The following MYH9 variants were observed in gnomAD, a reference collection of about 807,000 sequenced individuals.
The protein encoded by MYH9 is myosin heavy chain 9.
Under a neutral mutation model 241.9 loss-of-function variants are expected in MYH9, and 29 were observed. The observed-to-expected ratio is 0.12, with a 90% confidence interval of 0.09 to 0.16. The LOEUF (loss-of-function observed/expected upper bound fraction) is 0.16, where lower values mean the gene tolerates loss of function less well. Ranked by LOEUF, MYH9 falls within the 10% of genes least tolerant of loss-of-function variation. MYH9 has a pLI of 1.00. For missense variants in MYH9, 1,803 were observed against 2,595.5 expected (o/e 0.69, Z 6.63); for synonymous variants, 1,047 against 1,062.6 (o/e 0.99, Z 0.29).
chr22:36,292,856 C>G (rs1257145372), intron 30 of MYH9, among the ~76,000 whole-genome samples: 1 of 152,210 alleles, frequency 6.6e-6, no homozygotes, highest in African/African-American at 2.4e-5. Context: ...GCAACCAGTA[C>G]AGAAAAATGC....
chr22:36,282,786 C>CT lies in MYH9; in HGVS notation c.5766-2dup. The CT allele has an allele frequency of 6.2e-7, 1 of 1,608,498 alleles. No individual in the cohort carries two copies. Among genetic ancestry groups the CT allele is most frequent in the South Asian group, 1.1e-5 (1 of 90,988 alleles). ...CACGACAAACGGCAGGTCCCCGCGCCTGGGGGCAGAGGTAGAAGCAGAGGG... is the reference window on the plus strand; with the variant it reads ...CACGACAAACGGCAGGTCCCCGCGCCTTGGGGGCAGAGGTAGAAGCAGAGGG... On this transcript the variant is annotated splice_acceptor_variant, in intron 40 of 40. Transcript: ENST00000216181. LOFTEE classifies it high-confidence loss of function.
intron 14 of MYH9, among the ~76,000 whole-genome samples, chr22:36,310,263 C>T (rs2017040172): frequency 9.7e-6 from 1 of 103,074 alleles, no homozygotes. Flanking sequence ...GAACAAGACT[C>T]CGTCTCAAAA....
intron 24 of MYH9, 58 bp downstream of exon 24, chr22:36,298,861 A>ACCGCCAGCCCTTGC (rs1324473683): frequency 6.2e-7 from 1 of 1,606,352 alleles, no homozygotes; most frequent in Non-Finnish European, 8.5e-7. Context: ...CCGGCCCCTG[A>ACCGCCAGCCCTTGC]CCGCCAGCCC....
intron 3 of MYH9, among the ~76,000 whole-genome samples, chr22:36,337,507 A>C (rs1423930312): frequency 6.6e-6 from 1 of 152,258 alleles, no homozygotes; most frequent in Non-Finnish European, 1.5e-5. Context: ...AGATAAAGGC[A>C]GATGGAGGTC....
At chr22:36,378,092 T>G (rs2018199288) in intron 1 of MYH9, among the ~76,000 whole-genome samples, 1 of 144,834 alleles carries the variant, frequency 6.9e-6, no homozygotes, top group African/African-American at 2.6e-5. Flanking sequence ...CTGGGCAACA[T>G]GGCAAAACCC....
Position 36,295,931 on chromosome 22 carries a change from G to A in MYH9, c.3273-214C>T, listed in dbSNP as rs192845977. ...AAGCAGAAAACCTCATAGAGGAATC[G>A]TTTCAATTTCCAAAGTAAGATTCAC... On this transcript the variant is annotated intron_variant, in intron 25 of 40. Coordinates refer to ENST00000216181, the MANE Select transcript of MYH9 (RefSeq NM_002473.6). This position sits in a 1 kb window ranked among gnomAD's most constrained non-coding sequence, Gnocchi z 4.1. 2.6e-5 allele frequency among the ~76,000 whole-genome samples: 4 copies of A among 152,256 alleles called. No homozygotes were observed. Among genetic ancestry groups the A allele is most frequent in the East Asian group, 1.9e-4 (1 of 5,188 alleles).
rs538568211 is a variant in MYH9 at position 36,295,431 on chromosome 22, C to T, written c.3485+74G>A. The T allele has an allele frequency of 2.9e-5, 36 of 1,227,316 alleles. No homozygotes were observed. In the South Asian group the frequency reaches 3.2e-4, roughly 11 times the overall value. 76.0% of individuals were successfully genotyped at this position (1,227,316 alleles called of 1,614,324 possible). A position where few individuals can be genotyped will look rare whatever the true frequency, so the allele number is the denominator to read the frequency against. On this transcript the variant is annotated intron_variant, in intron 26 of 40. Coordinates refer to ENST00000216181, the MANE Select transcript of MYH9 (RefSeq NM_002473.6). This position sits in a 1 kb window ranked among gnomAD's most constrained non-coding sequence, Gnocchi z 4.1. ...GTGTGTGTGTGTGTGTGCAGAGGCC[C>T]GGGGTCCATGTCTCCAAGCCAAGGC...
Position 36,322,326 on chromosome 22 carries a change from G to A in MYH9, c.705+103C>T, listed in dbSNP as rs1029757928. 8.7e-5 allele frequency: 110 copies of A among 1,268,656 alleles called. No individual in the cohort carries two copies. The South Asian group carries it at 9.9e-4, about 11-fold the overall frequency. The allele number at this position is 1,268,656 out of a possible 1,614,324, so 78.6% of individuals were successfully genotyped here. A position where few individuals can be genotyped will look rare whatever the true frequency, so the allele number is the denominator to read the frequency against. On this transcript the variant is annotated intron_variant, in intron 6 of 40. Transcript: ENST00000216181. ...GGCCAGATAGCACCGAGTCTGAACC[G>A]TCCTCGGTTTTGAGGGGAGGGCACC... is the stretch of plus-strand genomic sequence containing the variant.
chr22:36,344,513 ACT>A (rs2017644811), intron 2 of MYH9, among the ~76,000 whole-genome samples: 1 of 152,112 alleles, frequency 6.6e-6, no homozygotes, highest in Admixed American at 6.5e-5. Context: ...CATGCTAATA[ACT>A]CTGCATCTGC....
At chr22:36,311,121 G>T (rs182983879) in intron 14 of MYH9, among the ~76,000 whole-genome samples, 1 of 152,182 alleles carries the variant, frequency 6.6e-6, no homozygotes, top group African/African-American at 2.4e-5. Context: ...AGGAGATGGC[G>T]CAGCCCCTGC....
chr22:36,300,709 C>T lies in MYH9; in HGVS notation c.2838+142G>A. 1.1e-6 allele frequency: 1 copy of T among 918,260 alleles called. No individual in the cohort carries two copies. Among genetic ancestry groups the T allele is most frequent in the Non-Finnish European group, 1.7e-6 (1 of 585,420 alleles). 56.9% of individuals were successfully genotyped at this position (918,260 alleles called of 1,614,324 possible). On this transcript the variant is annotated intron_variant, in intron 22 of 40. Transcript: ENST00000216181. This position sits in a 1 kb window ranked among gnomAD's most constrained non-coding sequence, Gnocchi z 5.0. ...AACTACCAGCCCAAAGGGAACACCT[C>T]TCACTGAGAGCCCCAAGCAGATTGC...
At chr22:36,385,431 C>A (rs1467911241) in intron 1 of MYH9, among the ~76,000 whole-genome samples, 2 of 152,110 alleles carry the variant, frequency 1.3e-5, no homozygotes, top group East Asian at 1.9e-4. Context: ...TGTTTTTCTT[C>A]TTTTAAAGAG....
Position 36,295,456 on chromosome 22 carries a change from C to G in MYH9, c.3485+49G>C, listed in dbSNP as rs201697365. The G allele has an allele frequency of 6.6e-7, 1 of 1,509,230 alleles. No homozygotes were observed. Among genetic ancestry groups the G allele is most frequent in the East Asian group, 2.3e-5 (1 of 44,158 alleles). 93.5% of individuals were successfully genotyped at this position (1,509,230 alleles called of 1,614,324 possible). On this transcript the variant is annotated intron_variant, in intron 26 of 40. Transcript: ENST00000216181. The surrounding 1 kb of genome is among the most constrained non-coding windows in gnomAD (Gnocchi z 4.1). ...CGGGGTCCATGTCTCCAAGCCAAGGCCCCCCTGGCTGCCCTCCCCATCCCG... is the reference window on the plus strand; with the variant it reads ...CGGGGTCCATGTCTCCAAGCCAAGGGCCCCCTGGCTGCCCTCCCCATCCCG...
chr22:36,372,023 A>G (rs1044472248), intron 1 of MYH9, among the ~76,000 whole-genome samples: 2 of 152,042 alleles, frequency 1.3e-5, no homozygotes, highest in African/African-American at 4.8e-5. Context: ...GTCTCTAGCA[A>G]CTGATATGTA....
intron 10 of MYH9, among the ~76,000 whole-genome samples, chr22:36,318,686 T>C (rs2017199803): frequency 6.6e-6 from 1 of 151,676 alleles, no homozygotes; most frequent in Non-Finnish European, 1.5e-5. Flanking sequence ...TAAAAGCAGG[T>C]CCCTACCCAC....
At position 36,334,963 on chromosome 22, in the gene MYH9, T is replaced by C. The variant is rs375990123; in HGVS notation, c.490+6407A>G. On this transcript the variant is annotated intron_variant, in intron 3 of 40. Coordinates refer to ENST00000216181, the MANE Select transcript of MYH9 (RefSeq NM_002473.6). ...CCACAGTCTCTCCTCCACGACACAC[T>C]TCCTCTTGCTCAAAGGCAATACGTG... is the stretch of plus-strand genomic sequence containing the variant. Among the ~76,000 whole-genome samples the C allele has an allele frequency of 2.2e-4, 34 of 152,290 alleles. No homozygotes were observed. In the South Asian group the frequency reaches 3.1e-3, roughly 14 times the overall value.
At chr22:36,369,938 G>A (rs1393039932) in intron 1 of MYH9, among the ~76,000 whole-genome samples, 2 of 152,190 alleles carry the variant, frequency 1.3e-5, no homozygotes, top group Non-Finnish European at 2.9e-5. Context: ...ATGGGATTGA[G>A]AGACTTTTGT....
At chr22:36,284,348 C>A in intron 39 of MYH9, 55 bp downstream of exon 39, 3 of 1,606,138 alleles carry the variant, frequency 1.9e-6, no homozygotes, top group Non-Finnish European at 2.5e-6. Context: ...CTGCCTGTCA[C>A]CCCATCTGCT....
Position 36,302,674 on chromosome 22 carries a change from G to T in MYH9, c.2393C>A (p.Ala798Glu). 6.2e-7 allele frequency: 1 copy of T among 1,612,918 alleles called. No individual in the cohort carries two copies. The highest frequency in any genetic ancestry group is 1.1e-5 in the South Asian group (1 of 91,074). The change falls in exon 20 of 41, where the codon GCA (alanine) becomes GAA (glutamate). Residue 798 changes from alanine to glutamate, a missense_variant and splice_region_variant. This residue lies in a region of MYH9 where 72 missense variants were observed against 83.3 expected (regional missense o/e 0.86). Transcript: ENST00000216181. ...AAGCTGCTGCTGCCGCTTGGCAAAT[G>T]CTCTGTGTGGTGAGGAACATGGTCA... Reference protein sequence around the residue: ...ACCRGYLARKAFAKRQQQLTA... With the variant: ...ACCRGYLARKEFAKRQQQLTA...
Sources: allele counts gnomAD v4.1 joint callset (sites outside exome capture counted in the v4.1 genomes callset), GRCh38; gene constraint gnomAD v4.1.1; regional missense constraint gnomAD v4.1.1; non-coding constraint Gnocchi (gnomAD v3.1); transcripts MANE v1.5; gene names NCBI Gene and HGNC (gene_info 2026-07-23, HGNC 2026-07-21).